The following PTH1R variants were observed in gnomAD, a reference collection of about 807,000 sequenced individuals.
The protein encoded by PTH1R is parathyroid hormone/parathyroid hormone-related peptide receptor.
Under a neutral mutation model 70.7 loss-of-function variants are expected in PTH1R, and 32 were observed. The observed-to-expected ratio is 0.45, with a 90% CI of 0.34 to 0.61. The LOEUF (loss-of-function observed/expected upper bound fraction) is 0.61, where lower values mean the gene tolerates loss of function less well. PTH1R is among the 20% of genes least tolerant of loss of function. The probability of loss-of-function intolerance (pLI) is 0.01; values close to 1 mark genes in which losing one functional copy is unlikely to be tolerated. For missense variants in PTH1R, 626 were observed against 792.5 expected (o/e 0.79, Z 2.52); for synonymous variants, 329 against 324.8 (o/e 1.01, Z -0.14).
At chr3:46,886,729 A>C (rs1207757683) in intron 3 of PTH1R, among the ~76,000 whole-genome samples, 2 of 152,192 alleles carry the variant, frequency 1.3e-5, no homozygotes, top group South Asian at 2.1e-4. Flanking sequence ...TCTGAGCTAG[A>C]AACTGTCACA....
Position 46,892,142 on chromosome 3 carries a change from T to C in PTH1R, c.76-1765T>C, listed in dbSNP as rs931482894. Among the ~76,000 whole-genome samples the C allele has an allele frequency of 2.0e-5, 3 of 151,962 alleles. No homozygotes were observed. Among genetic ancestry groups the C allele is most frequent in the African/African-American group, 7.3e-5 (3 of 41,348 alleles). On this transcript the variant is annotated intron_variant, in intron 3 of 15. Coordinates refer to ENST00000449590, the MANE Select transcript of PTH1R (RefSeq NM_000316.3). The surrounding 1 kb of genome is among the most constrained non-coding windows in gnomAD (Gnocchi z 5.2). ...AGCTGGGGAAGCAAAGAGACTAGGA[T>C]AGAGGAGCTTAGGCCAGCCGCCAGC...
At position 46,883,520 on chromosome 3, in the gene PTH1R, G is replaced by A. The variant is rs967777439; in HGVS notation, c.-40G>A. Reference sequence around the variant, plus strand: ...CCCCCTACCACCACCAGGGCCGGCGGCGGCGGCTGCCCCGAGGGACGCGGC... The same window carrying A: ...CCCCCTACCACCACCAGGGCCGGCGACGGCGGCTGCCCCGAGGGACGCGGC... On this transcript the variant is annotated 5_prime_UTR_variant, in exon 3 of 16. Transcript: ENST00000449590. The surrounding 1 kb of genome is among the most constrained non-coding windows in gnomAD (Gnocchi z 6.4). 3 of 1,472,496 alleles carry A rather than the reference G, an allele frequency of 2.0e-6. No homozygotes were observed. Among genetic ancestry groups the A allele is most frequent in the South Asian group, 1.4e-5 (1 of 73,794 alleles). The allele number at this position is 1,472,496 out of a possible 1,614,324, so 91.2% of individuals were successfully genotyped here. A position where few individuals can be genotyped will look rare whatever the true frequency, so the allele number is the denominator to read the frequency against.
In PTH1R at chr3:46,893,470, C is replaced by A. The variant is rs1241073747; in HGVS notation, c.76-437C>A. Among the ~76,000 whole-genome samples the A allele has an allele frequency of 6.6e-6, 1 of 152,160 alleles. No homozygotes were observed. Among genetic ancestry groups the A allele is most frequent in the Non-Finnish European group, 1.5e-5 (1 of 68,012 alleles). On this transcript the variant is annotated intron_variant, in intron 3 of 15. Transcript: ENST00000449590. This position sits in a 1 kb window ranked among gnomAD's most constrained non-coding sequence, Gnocchi z 5.2. ...CCCCAGGGTGCCAGGACTTGAAGGACTCCAGGCTGGGTTTGTCTCCCCACA... is the reference window on the plus strand; with the variant it reads ...CCCCAGGGTGCCAGGACTTGAAGGAATCCAGGCTGGGTTTGTCTCCCCACA...
Position 46,901,216 on chromosome 3 carries a change from C to G in PTH1R, c.1049+131C>G. The G allele has an allele frequency of 7.5e-7, 1 of 1,339,508 alleles. No homozygotes were observed. Among genetic ancestry groups the G allele is most frequent in the Non-Finnish European group, 1.0e-6 (1 of 959,564 alleles). 83.0% of individuals were successfully genotyped at this position (1,339,508 alleles called of 1,614,324 possible). Reference sequence around the variant, plus strand: ...GCCTCAGGAGTTCTCAGTCCAGCCTCAAGCCAGGAGCACCCTCAGGGTCAC... The same window carrying G: ...GCCTCAGGAGTTCTCAGTCCAGCCTGAAGCCAGGAGCACCCTCAGGGTCAC... On this transcript the variant is annotated intron_variant, in intron 11 of 15. Transcript: ENST00000449590. This position sits in a 1 kb window ranked among gnomAD's most constrained non-coding sequence, Gnocchi z 7.3.
At chr3:46,898,263 A>G in intron 7 of PTH1R, 71 bp downstream of exon 7, 2 of 1,582,014 alleles carry the variant, frequency 1.3e-6, no homozygotes, top group South Asian at 2.2e-5. Flanking sequence ...CCCCTGACCC[A>G]GCCCTGACCC....
chr3:46,901,511 G>A lies in PTH1R; in HGVS notation c.1116+31G>A. On this transcript the variant is annotated intron_variant, in intron 12 of 15. Coordinates refer to ENST00000449590, the MANE Select transcript of PTH1R (RefSeq NM_000316.3). The surrounding 1 kb of genome is among the most constrained non-coding windows in gnomAD (Gnocchi z 7.3). ...CAGGGGTGGGCTGCTGGCCACAGGG[G>A]TGGGTGGGATGTGCGCCTGCGTCCC... is the stretch of plus-strand genomic sequence containing the variant. 1 of 1,553,910 alleles carries A rather than the reference G, an allele frequency of 6.4e-7. No individual in the cohort carries two copies. Among genetic ancestry groups the A allele is most frequent in the Non-Finnish European group, 8.7e-7 (1 of 1,147,806 alleles).
rs747466209 is a variant in PTH1R, at chr3:46,898,367, G to A, written c.544-11G>A. ...CAGGGCTCTGACTGTGTCTCCCCCC[G>A]CCCCGCACAGGAGGTGTTTGACCGC... is the stretch of plus-strand genomic sequence containing the variant. On this transcript the variant is annotated splice_polypyrimidine_tract_variant and intron_variant, in intron 7 of 15. Transcript: ENST00000449590. 33 of 1,612,962 alleles carry A rather than the reference G, an allele frequency of 2.0e-5. No homozygotes were observed. The highest frequency in any genetic ancestry group is 3.3e-5 in the Admixed American group (2 of 59,994).
intron 10 of PTH1R, among the ~76,000 whole-genome samples, chr3:46,899,810 A>G (rs1261490801): frequency 6.6e-6 from 1 of 152,160 alleles, no homozygotes; most frequent in Non-Finnish European, 1.5e-5. Flanking sequence ...CTCTACCCTG[A>G]GCCCCATGGA....
rs202144354 is a variant in PTH1R at position 46,902,544 on chromosome 3, G to C, written c.1230G>C (p.Thr410=). 4.3e-6 allele frequency: 7 copies of C among 1,612,260 alleles called. No individual in the cohort carries two copies. The highest frequency in any genetic ancestry group is 5.1e-6 in the Non-Finnish European group (6 of 1,179,734). Residue 410 remains threonine, a synonymous_variant, in exon 14 of 16, where the codon ACG becomes ACC. Transcript: ENST00000449590. The surrounding 1 kb of genome is among the most constrained non-coding windows in gnomAD (Gnocchi z 5.4). ...GGCCCAGGAAGCTGCTCAAATCCAC[G>C]CTGGTGCTCATGCCCCTCTTTGGCG... The part of the protein sequence containing the change: ...RQQYRKLLKS[T]LVLMPLFGVH...
At chr3:46,897,780 T>C in intron 5 of PTH1R, 75 bp from the exon 6 acceptor site, 1 of 1,283,238 alleles carries the variant, frequency 7.8e-7, no homozygotes, top group Non-Finnish European at 1.1e-6. Flanking sequence ...CACAGATGTA[T>C]TCATCCTTCT....
chr3:46,887,185 A>T (rs2031089500), intron 3 of PTH1R, among the ~76,000 whole-genome samples: 1 of 152,130 alleles, frequency 6.6e-6, no homozygotes, highest in South Asian at 2.1e-4. Flanking sequence ...GGTTGCAGTG[A>T]ACCGAGATCA....
In PTH1R at chr3:46,883,646, G is replaced by T; in HGVS notation, c.75+12G>T. ...CCGCGTACGCGCTGGTGAGTCCCCC[G>T]CCGCCAACACTCCGGGACAGGCTGC... is the stretch of plus-strand genomic sequence containing the variant. On this transcript the variant is annotated intron_variant, in intron 3 of 15. Transcript: ENST00000449590. The surrounding 1 kb of genome is among the most constrained non-coding windows in gnomAD (Gnocchi z 6.4). 6.5e-7 allele frequency: 1 copy of T among 1,545,744 alleles called. No homozygotes were observed.
At position 46,883,347 on chromosome 3, in the gene PTH1R, C is replaced by T. The variant is rs1188390831; in HGVS notation, c.-48-165C>T. The stretch of plus-strand genomic sequence containing the variant: ...CCCTCCCTCCTGTCCCTCCCTCCCT[C>T]CCTCCTTTGCGCTGCTCGCTCGCTC... On this transcript the variant is annotated intron_variant, in intron 2 of 15. Transcript: ENST00000449590. This position sits in a 1 kb window ranked among gnomAD's most constrained non-coding sequence, Gnocchi z 6.4. 3 of 179,326 alleles carry T rather than the reference C, an allele frequency of 1.7e-5. No individual in the cohort carries two copies. Among genetic ancestry groups the T allele is most frequent in the East Asian group, 2.5e-4 (2 of 7,864 alleles). 11.1% of individuals were successfully genotyped at this position (179,326 alleles called of 1,614,324 possible). A position where few individuals can be genotyped will look rare whatever the true frequency, so the allele number is the denominator to read the frequency against.
In PTH1R at chr3:46,898,191, G is replaced by A. The variant is rs374782548; in HGVS notation, c.542G>A (p.Arg181Gln). 1.4e-5 allele frequency: 22 copies of A among 1,613,872 alleles called. No homozygotes were observed. Among genetic ancestry groups the A allele is most frequent in the African/African-American group, 1.3e-4 (10 of 74,902 alleles). The change falls in exon 7 of 16, where the codon CGG (arginine) becomes CAG (glutamine). Residue 181 changes from arginine (R) to glutamine (Q), a missense_variant and splice_region_variant. Physicochemically the swap from Arg to Gln is conservative, Grantham distance 43 (BLOSUM62 1). Transcript: ENST00000449590. ...VKFLTNETRE[R>Q]EVFDRLGMIY... ...TTTCTCACCAATGAGACTCGTGAAC[G>A]GGTGCGAGCCTTTCTCCTCCCCAAC...
chr3:46,898,766 C>T lies in PTH1R; in HGVS notation c.743C>T (p.Ala248Val). The T allele has an allele frequency of 6.2e-7, 1 of 1,606,038 alleles. No homozygotes were observed. The highest frequency in any genetic ancestry group is 8.5e-7 in the Non-Finnish European group (1 of 1,178,662). ...AAGGACGCTGTGCTCTACTCTGGCG[C>T]CACGCTTGATGAGGCTGAGCGCCTC... ...FVKDAVLYSG[A>V]TLDEAERLTE... The change falls in exon 9 of 16, where the codon GCC (alanine) becomes GTC (valine). Residue 248 changes from alanine to valine, a missense_variant. This residue lies in a region of PTH1R where 495 missense variants were observed against 638.7 expected (regional missense o/e 0.77). Coordinates refer to ENST00000449590, the MANE Select transcript of PTH1R (RefSeq NM_000316.3).
Position 46,903,735 on chromosome 3 carries a change from C to G in PTH1R, c.*79C>G. On this transcript the variant is annotated 3_prime_UTR_variant, in exon 16 of 16. Coordinates refer to ENST00000449590, the MANE Select transcript of PTH1R (RefSeq NM_000316.3). This position sits in a 1 kb window ranked among gnomAD's most constrained non-coding sequence, Gnocchi z 4.4. Reference sequence around the variant, plus strand: ...AGATGGGTGGTTGAATGATTTCCCACTCAGGGCTGGGGCCAAGAGGAAAAA... The same window carrying G: ...AGATGGGTGGTTGAATGATTTCCCAGTCAGGGCTGGGGCCAAGAGGAAAAA... The G allele has an allele frequency of 6.3e-7, 1 of 1,586,534 alleles. No individual in the cohort carries two copies. The highest frequency in any genetic ancestry group is 1.7e-5 in the Admixed American group (1 of 59,204).
At chr3:46,895,498 C>G (rs1175458456) in intron 4 of PTH1R, among the ~76,000 whole-genome samples, 1 of 152,198 alleles carries the variant, frequency 6.6e-6, no homozygotes, top group African/African-American at 2.4e-5. Flanking sequence ...ATCCTGCACT[C>G]CCATTCCAAC....
chr3:46,898,852 G>A lies in PTH1R; in HGVS notation c.829G>A (p.Gly277Ser), dbSNP rs746279438. The stretch of plus-strand genomic sequence containing the variant: ...CCCGCCGCCTGCCACCGCCGCTGCC[G>A]GCTACGTGAGTACCCCTCTGCCCGC... ...APPPPATAAA[G>S]YAGCRVAVTF... The change falls in exon 9 of 16, where the codon GGC becomes AGC. Residue 277 changes from glycine (G) to serine (S), a missense_variant. This residue lies in a region of PTH1R where 495 missense variants were observed against 638.7 expected (regional missense o/e 0.77). Transcript: ENST00000449590. 158 of 1,541,046 alleles carry A rather than the reference G, an allele frequency of 1.0e-4. No individual in the cohort carries two copies. Among genetic ancestry groups the A allele is most frequent in the Non-Finnish European group, 1.3e-4 (145 of 1,148,762 alleles).
At chr3:46,890,623 C>T (rs2031362239) in intron 3 of PTH1R, among the ~76,000 whole-genome samples, 1 of 151,454 alleles carries the variant, frequency 6.6e-6, no homozygotes, top group Non-Finnish European at 1.5e-5. Flanking sequence ...CTGCCTCGGC[C>T]TCCCGAGTAG....
Sources: allele counts gnomAD v4.1 joint callset (sites outside exome capture counted in the v4.1 genomes callset), GRCh38; gene constraint gnomAD v4.1.1; regional missense constraint gnomAD v4.1.1; non-coding constraint Gnocchi (gnomAD v3.1); transcripts MANE v1.5; gene names NCBI Gene and HGNC (gene_info 2026-07-23, HGNC 2026-07-21).